Variants in CSMD1 observed in about 807,000 individuals in gnomAD.
CSMD1 encodes the protein CUB and sushi domain-containing protein 1.
In CSMD1, 213 loss-of-function variants were observed where a neutral mutation model predicts 417.5. The observed-to-expected ratio is 0.51, with a 90% CI of 0.46 to 0.57. The LOEUF (loss-of-function observed/expected upper bound fraction) is 0.57, where lower values mean the gene tolerates loss of function less well. CSMD1 is among the 20% of genes least tolerant of loss of function. The pLI is 0.00. For missense variants in CSMD1, 6,923 were observed against 4,529.7 expected (o/e 1.53, Z -15.17); for synonymous variants, 2,862 against 1,736.8 (o/e 1.65, Z -16.11).
intron 3 of CSMD1, among the ~76,000 whole-genome samples, chr8:4,067,964 C>G (rs1173994077): frequency 6.6e-6 from 1 of 152,076 alleles, no homozygotes; most frequent in African/African-American, 2.4e-5. Context: ...GTAATCCCAG[C>G]TACTTGGGAG....
chr8:3,388,434 T>C (rs1187936042), intron 17 of CSMD1, among the ~76,000 whole-genome samples: 1 of 152,214 alleles, frequency 6.6e-6, no homozygotes, highest in Non-Finnish European at 1.5e-5. Flanking sequence ...TTGTAATGTT[T>C]ACATATGCGA....
At chr8:3,850,323 G>T (rs1803811210) in intron 5 of CSMD1, among the ~76,000 whole-genome samples, 1 of 152,028 alleles carries the variant, frequency 6.6e-6, no homozygotes, top group South Asian at 2.1e-4. Flanking sequence ...TTTCCATAGG[G>T]TCTCACCCCT....
intron 7 of CSMD1, among the ~76,000 whole-genome samples, chr8:3,703,172 C>A (rs940743592): frequency 6.6e-6 from 1 of 152,146 alleles, no homozygotes; most frequent in Non-Finnish European, 1.5e-5. Context: ...TCTTCTCATT[C>A]TACACTTAAT....
chr8:4,024,701 C>T (rs978197492), intron 4 of CSMD1, among the ~76,000 whole-genome samples: 5 of 152,268 alleles, frequency 3.3e-5, no homozygotes, highest in Middle Eastern at 3.4e-3. Flanking sequence ...TGGATACCTT[C>T]CTATGGTGGT....
intron 8 of CSMD1, among the ~76,000 whole-genome samples, chr8:3,597,913 C>A (rs567591459): frequency 3.9e-5 from 6 of 152,248 alleles, no homozygotes; most frequent in Admixed American, 3.3e-4. Flanking sequence ...TGCAGCAAAC[C>A]AACATGGCAC....
intron 50 of CSMD1, among the ~76,000 whole-genome samples, chr8:3,034,145 A>T (rs1461989949): frequency 6.6e-6 from 1 of 152,258 alleles, no homozygotes; most frequent in Non-Finnish European, 1.5e-5. Flanking sequence ...TTACTCAAAT[A>T]AACTCTGCTA....
At chr8:3,161,487 G>A (rs945416973) in intron 38 of CSMD1, among the ~76,000 whole-genome samples, 1 of 151,868 alleles carries the variant, frequency 6.6e-6, no homozygotes, top group South Asian at 2.1e-4. Flanking sequence ...TGTGGTGGCA[G>A]GTGCCTGTAA....
intron 55 of CSMD1, among the ~76,000 whole-genome samples, chr8:2,976,494 TGCCACCATGCCCCAC>T (rs1172848822): frequency 2.0e-5 from 3 of 152,170 alleles, no homozygotes; most frequent in African/African-American, 7.2e-5. Flanking sequence ...TATAGGCATG[TGCCACCATGCCCCAC>T]TAGTTTTTAT....
chr8:3,604,411 T>C (rs1034647773), intron 8 of CSMD1, among the ~76,000 whole-genome samples: 2 of 152,094 alleles, frequency 1.3e-5, no homozygotes, highest in African/African-American at 2.4e-5. Flanking sequence ...CTGGTCAGTA[T>C]ATAACACATC....
At chr8:4,967,770 T>C (rs925658672) in intron 1 of CSMD1, among the ~76,000 whole-genome samples, 29 of 152,156 alleles carry the variant, frequency 1.9e-4, no homozygotes, top group African/African-American at 7.0e-4. Flanking sequence ...TCATGTGACT[T>C]ACGTAGCTAG....
intron 1 of CSMD1, among the ~76,000 whole-genome samples, chr8:4,711,697 G>C (rs536369550): frequency 1.3e-5 from 2 of 152,032 alleles, no homozygotes; most frequent in South Asian, 2.1e-4. Context: ...TAAAGTCTTT[G>C]AGTCTAAAAA....
chr8:4,068,054 C>G (rs1050921524), intron 3 of CSMD1, among the ~76,000 whole-genome samples: 3 of 152,030 alleles, frequency 2.0e-5, no homozygotes, highest in African/African-American at 4.8e-5. Flanking sequence ...GCACTCCAGC[C>G]TGGCGACAGA....
intron 5 of CSMD1, among the ~76,000 whole-genome samples, chr8:3,775,926 T>C (rs1584980600): frequency 6.6e-6 from 1 of 152,210 alleles, no homozygotes; most frequent in Admixed American, 6.5e-5. Flanking sequence ...GTCTCATGGA[T>C]GTGAATGCCA....
chr8:3,558,648 T>C (rs1363711077), intron 10 of CSMD1, among the ~76,000 whole-genome samples: 1 of 150,380 alleles, frequency 6.6e-6, no homozygotes, highest in Non-Finnish European at 1.5e-5. Context: ...GTACCCCGTG[T>C]CCACTCCTCC....
chr8:3,793,543 C>T (rs1166047410), intron 5 of CSMD1, among the ~76,000 whole-genome samples: 3 of 151,472 alleles, frequency 2.0e-5, no homozygotes, highest in African/African-American at 7.3e-5. Context: ...TGGGCTTCCA[C>T]ATGACACCCC....
chr8:3,544,228 CAAAAT>C (rs1798562867), intron 10 of CSMD1, among the ~76,000 whole-genome samples: 1 of 151,960 alleles, frequency 6.6e-6, no homozygotes, highest in Non-Finnish European at 1.5e-5. Context: ...TAAACAGACC[CAAAAT>C]TAAAAGTGCC....
chr8:4,399,454 G>C (rs181741109), intron 3 of CSMD1, among the ~76,000 whole-genome samples: 1 of 152,176 alleles, frequency 6.6e-6, no homozygotes, highest in Admixed American at 6.5e-5. Context: ...CAAAGAATGG[G>C]TATGATTTTA....
At chr8:3,517,458 G>C (rs1040339236) in intron 10 of CSMD1, among the ~76,000 whole-genome samples, 1 of 152,132 alleles carries the variant, frequency 6.6e-6, no homozygotes, top group African/African-American at 2.4e-5. Flanking sequence ...TTTCCAAATT[G>C]CCAGTGAAAT....
chr8:3,678,673 G>A (rs774081869), intron 7 of CSMD1, among the ~76,000 whole-genome samples: 2 of 152,044 alleles, frequency 1.3e-5, no homozygotes, highest in African/African-American at 2.4e-5. Flanking sequence ...TGCAAATTCA[G>A]GAAACACAGA....
Sources: gnomAD v4.1 joint callset for allele counts (sites outside exome capture counted in the v4.1 genomes callset) on GRCh38, gnomAD v4.1.1 for gene constraint, MANE v1.5 for transcripts, NCBI Gene and HGNC (gene_info 2026-07-23, HGNC 2026-07-21) for gene names.